WWOX: variants seen among roughly 807,000 people sequenced by gnomAD.
WWOX encodes WW domain-containing oxidoreductase.
A neutral mutation model predicts 46.2 loss-of-function variants in WWOX; 69 were observed. The observed-to-expected ratio is 1.49, with a 90% CI of 1.23 to 1.82. The LOEUF is 1.82. Among genes scored for constraint, WWOX ranks in the 40% most tolerant of loss-of-function variants. The pLI is 0.00. For missense variants in WWOX, 919 were observed against 542.6 expected, an observed-to-expected ratio of 1.69 and a Z score of -6.89; for synonymous variants, 359 against 202.6, an observed-to-expected ratio of 1.77 and a Z score of -6.56.
At chr16:78,852,378 C>G in intron 8 of WWOX, among the ~76,000 whole-genome samples, 1 of 152,196 alleles carries the variant, frequency 6.6e-6, no homozygotes, top group East Asian at 1.9e-4. Flanking sequence ...TGGATCACTC[C>G]TTGTGGCAGA....
At chr16:78,243,661 C>T (rs919835579) in intron 5 of WWOX, among the ~76,000 whole-genome samples, 1 of 152,184 alleles carries the variant, frequency 6.6e-6, no homozygotes, top group Non-Finnish European at 1.5e-5. Context: ...ATTCTTGTGC[C>T]TCAGCCTCCG....
intron 8 of WWOX, among the ~76,000 whole-genome samples, chr16:78,932,601 C>T (rs752211781): frequency 1.1e-4 from 17 of 152,222 alleles, no homozygotes; most frequent in Non-Finnish European, 1.5e-5. Context: ...AGGTGCCGAC[C>T]AAGCGCTGGA....
At chr16:78,175,692 T>C (rs901652303) in intron 5 of WWOX, among the ~76,000 whole-genome samples, 1 of 152,192 alleles carries the variant, frequency 6.6e-6, no homozygotes, top group African/African-American at 2.4e-5. Flanking sequence ...TGAGAGATCC[T>C]GAGTCAGAAC....
chr16:78,234,697 A>G (rs2037379871), intron 5 of WWOX, among the ~76,000 whole-genome samples: 1 of 152,140 alleles, frequency 6.6e-6, no homozygotes, highest in Non-Finnish European at 1.5e-5. Context: ...TGCATTGACC[A>G]CCATTCACTT....
intron 8 of WWOX, among the ~76,000 whole-genome samples, chr16:78,520,312 T>C (rs1181330576): frequency 6.6e-6 from 1 of 152,156 alleles, no homozygotes; most frequent in Non-Finnish European, 1.5e-5. Context: ...GATGTAAAAG[T>C]GGATGGTACT....
intron 5 of WWOX, among the ~76,000 whole-genome samples, chr16:78,308,382 A>T (rs948209729): frequency 6.6e-6 from 1 of 152,168 alleles, no homozygotes; most frequent in African/African-American, 2.4e-5. Context: ...ATGACTCATT[A>T]TACCCTTCTT....
intron 8 of WWOX, among the ~76,000 whole-genome samples, chr16:79,149,336 T>C (rs1372482563): frequency 6.6e-6 from 1 of 152,216 alleles, no homozygotes; most frequent in Non-Finnish European, 1.5e-5. Context: ...GTGGACTATA[T>C]TGATTTTAAA....
chr16:78,361,546 C>G (rs994310925), intron 5 of WWOX, among the ~76,000 whole-genome samples: 2 of 152,106 alleles, frequency 1.3e-5, no homozygotes, highest in South Asian at 2.1e-4. Flanking sequence ...TTCCCTTACT[C>G]TTTTTATAGT....
At chr16:78,265,069 C>T (rs2079334437) in intron 5 of WWOX, among the ~76,000 whole-genome samples, 1 of 147,370 alleles carries the variant, frequency 6.8e-6, no homozygotes, top group African/African-American at 2.5e-5. Context: ...GGCACGATCT[C>T]AGCTCACTCC....
chr16:78,990,746 A>G (rs1174432973), intron 8 of WWOX, among the ~76,000 whole-genome samples: 1 of 152,186 alleles, frequency 6.6e-6, no homozygotes, highest in African/African-American at 2.4e-5. Flanking sequence ...CAGGGAAGGA[A>G]GGAAGTCTGG....
rs557798650 is a variant in WWOX, at chr16:78,119,884, T to G, written c.409+4730T>G. 1.9e-4 allele frequency among the ~76,000 whole-genome samples: 29 copies of G among 152,296 alleles called. 1 individual carries two copies. In the South Asian group the frequency reaches 6.0e-3, roughly 32 times the overall value. On this transcript the variant is annotated intron_variant, in intron 4 of 8. Coordinates refer to ENST00000566780, the MANE Select transcript of WWOX (RefSeq NM_016373.4). ...GTGGCTAAAACTTGATTTTTAAAAT[T>G]TTTTTCAGAGTTTGGTCCAGATGAA...
intron 8 of WWOX, among the ~76,000 whole-genome samples, chr16:78,847,169 T>C (rs1042012687): frequency 3.3e-5 from 5 of 152,212 alleles, no homozygotes; most frequent in Admixed American, 3.3e-4. Context: ...GTTCGTTTTA[T>C]TATAGAATCA....
chr16:79,061,534 G>C (rs951432321), intron 8 of WWOX, among the ~76,000 whole-genome samples: 1 of 152,188 alleles, frequency 6.6e-6, no homozygotes, highest in Admixed American at 6.5e-5. Context: ...AGAAGCTGCT[G>C]ATTTCTGGAC....
intron 8 of WWOX, among the ~76,000 whole-genome samples, chr16:79,171,944 T>A (rs1204275163): frequency 6.6e-6 from 1 of 152,332 alleles, no homozygotes; most frequent in East Asian, 1.9e-4. Context: ...CATTTCGATA[T>A]ACGCATAAGC....
intron 8 of WWOX, among the ~76,000 whole-genome samples, chr16:78,858,291 G>A (rs749749904): frequency 4.7e-5 from 7 of 148,612 alleles, no homozygotes; most frequent in Non-Finnish European, 1.0e-4. Flanking sequence ...ACCCATCTGA[G>A]CAGCATATGC....
chr16:78,340,966 C>G (rs2151899718), intron 5 of WWOX, among the ~76,000 whole-genome samples: 1 of 118,816 alleles, frequency 8.4e-6, no homozygotes, highest in East Asian at 1.9e-4. Flanking sequence ...GATTCTCAAG[C>G]TGTACATAGC....
intron 8 of WWOX, among the ~76,000 whole-genome samples, chr16:79,097,910 T>C (rs1320916105): frequency 6.6e-6 from 1 of 152,136 alleles, no homozygotes; most frequent in Non-Finnish European, 1.5e-5. Context: ...CCAGGCAACA[T>C]GCATTACAGG....
At chr16:78,375,208 T>G (rs148199754) in intron 5 of WWOX, among the ~76,000 whole-genome samples, 4 of 152,346 alleles carry the variant, frequency 2.6e-5, no homozygotes, top group Non-Finnish European at 5.9e-5. Flanking sequence ...TTCTCAAGCG[T>G]GACGATACTG....
At chr16:78,921,942 C>G (rs775430853) in intron 8 of WWOX, among the ~76,000 whole-genome samples, 3 of 152,124 alleles carry the variant, frequency 2.0e-5, no homozygotes, top group African/African-American at 7.2e-5. Context: ...AAAATTAGAT[C>G]GGGGAAGAGA....
Sources: gnomAD v4.1 joint callset for allele counts (sites outside exome capture counted in the v4.1 genomes callset) on GRCh38, gnomAD v4.1.1 for gene constraint, MANE v1.5 for transcripts, NCBI Gene and HGNC (gene_info 2026-07-23, HGNC 2026-07-21) for gene names.